DOCK9: variants seen among roughly 807,000 people sequenced by gnomAD.
DOCK9 encodes the protein dedicator of cytokinesis protein 9.
A neutral mutation model predicts 263.3 loss-of-function variants in DOCK9; 89 were observed. The ratio of observed to expected loss-of-function variants is 0.34; its 90% CI spans 0.28 to 0.40. The LOEUF is 0.40. DOCK9 is among the 10% of genes least tolerant of loss of function. The pLI, the probability that DOCK9 is intolerant of heterozygous loss-of-function variation, is 1.00. For missense variants in DOCK9, 2,140 were observed against 2,603.4 expected (o/e 0.82, Z 3.87); for synonymous variants, 976 against 973.1 (o/e 1.00, Z -0.06).
intron 3 of DOCK9, among the ~76,000 whole-genome samples, chr13:98,928,021 A>C (rs962149347): frequency 4.0e-5 from 1 of 25,246 alleles, no homozygotes; most frequent in Non-Finnish European, 1.3e-4. Context: ...AAAAAAAAAC[A>C]AAAAAAAACT....
chr13:98,967,014 G>A (rs140893206), intron 1 of DOCK9, among the ~76,000 whole-genome samples: 6 of 152,338 alleles, frequency 3.9e-5, no homozygotes, highest in East Asian at 3.9e-4. Flanking sequence ...CCCTTCAGAC[G>A]ATTCTGGTGC....
chr13:98,947,500 T>C (rs1310365679), intron 2 of DOCK9, among the ~76,000 whole-genome samples: 1 of 138,760 alleles, frequency 7.2e-6, no homozygotes, highest in Non-Finnish European at 1.5e-5. Flanking sequence ...GATGTGTCTA[T>C]TCAGAATTTT....
At chr13:98,979,789 T>C (rs768733661), upstream of DOCK9, among the ~76,000 whole-genome samples, 4 of 152,056 alleles carry the variant, frequency 2.6e-5, no homozygotes, top group Non-Finnish European at 5.9e-5. Flanking sequence ...CACTTACCTA[T>C]AGAGTCGAAA....
intron 13 of DOCK9, among the ~76,000 whole-genome samples, chr13:98,899,447 C>G (rs1185587294): frequency 6.6e-6 from 1 of 152,160 alleles, no homozygotes; most frequent in Non-Finnish European, 1.5e-5. Flanking sequence ...ATAATCCTAC[C>G]ATAATCATGC....
intron 1 of DOCK9, among the ~76,000 whole-genome samples, chr13:99,014,079 G>A (rs1459655716): frequency 6.6e-6 from 1 of 152,160 alleles, no homozygotes; most frequent in Non-Finnish European, 1.5e-5. Context: ...AGAGCCCCTG[G>A]CAGGTTACTC....
chr13:98,970,885 G>T (rs920558274), intron 1 of DOCK9, among the ~76,000 whole-genome samples: 4 of 152,056 alleles, frequency 2.6e-5, no homozygotes, highest in Non-Finnish European at 4.4e-5. Flanking sequence ...CCAAATTTTT[G>T]ATTCATTTCC....
At chr13:98,986,766 G>A (rs547066333) in intron 1 of DOCK9, among the ~76,000 whole-genome samples, 2 of 152,238 alleles carry the variant, frequency 1.3e-5, no homozygotes, top group East Asian at 1.9e-4. Context: ...GGGCTCACAC[G>A]TTGTTATTCC....
intron 1 of DOCK9, among the ~76,000 whole-genome samples, chr13:99,014,025 T>C (rs182385643): frequency 3.5e-4 from 53 of 152,316 alleles, no homozygotes; most frequent in Non-Finnish European, 7.1e-4. Flanking sequence ...GCCGACAGGA[T>C]GCATGACAGC....
intron 34 of DOCK9, among the ~76,000 whole-genome samples, chr13:98,854,222 T>TG (rs1161877687): frequency 9.2e-6 from 1 of 108,886 alleles, no homozygotes; most frequent in Non-Finnish European, 2.2e-5. Flanking sequence ...CAGGTTCTTG[T>TG]GGAAAAAAAG....
At chr13:98,851,147 C>T (rs9582267) in intron 35 of DOCK9, among the ~76,000 whole-genome samples, 7,945 of 152,250 alleles carry the variant, frequency 0.052, 538 homozygotes, top group African/African-American at 0.14. Flanking sequence ...CCATCTAATC[C>T]TCACCATAAT....
intron 1 of DOCK9, among the ~76,000 whole-genome samples, chr13:99,055,490 C>G (rs1336205626): frequency 6.6e-6 from 1 of 152,058 alleles, no homozygotes; most frequent in African/African-American, 2.4e-5. Flanking sequence ...CGAGCCGGTG[C>G]TTAACTGTGG....
intron 44 of DOCK9, 36 bp from the exon 45 acceptor site, chr13:98,824,540 G>A (rs1184865199): frequency 6.3e-7 from 1 of 1,577,960 alleles, no homozygotes; most frequent in South Asian, 1.1e-5. Context: ...TCAGAGTTAG[G>A]AACCTGAACG....
intron 1 of DOCK9, among the ~76,000 whole-genome samples, chr13:99,028,425 G>A (rs183057602): frequency 6.6e-6 from 1 of 152,088 alleles, no homozygotes; most frequent in Non-Finnish European, 1.5e-5. Flanking sequence ...AGACCTTCAG[G>A]TACAGAAACC....
chr13:99,034,107 C>T (rs1211386112), intron 1 of DOCK9, among the ~76,000 whole-genome samples: 2 of 152,074 alleles, frequency 1.3e-5, no homozygotes, highest in African/African-American at 2.4e-5. Flanking sequence ...ATCTGCTATC[C>T]CATACCTCAT....
chr13:98,863,603 A>T lies in DOCK9; in HGVS notation c.3287-55T>A, dbSNP rs2093937564. ...AGGAAAGATGCAATGCTCTTTGAAT[A>T]AAACAAACAAACAAACAAACAAAAA... On this transcript the variant is annotated intron_variant, in intron 30 of 52. Coordinates refer to ENST00000682017, the MANE Select transcript of DOCK9 (RefSeq NM_001366683.2). 3.9e-6 allele frequency: 6 copies of T among 1,523,034 alleles called. No individual in the cohort carries two copies. In the Admixed American group the frequency reaches 8.3e-5, roughly 21 times the overall value. 94.3% of individuals were successfully genotyped at this position (1,523,034 alleles called of 1,614,324 possible).
intron 15 of DOCK9, among the ~76,000 whole-genome samples, chr13:98,893,620 A>C (rs2046955732): frequency 6.6e-6 from 1 of 152,126 alleles, no homozygotes; most frequent in Non-Finnish European, 1.5e-5. Context: ...GCGTGAAGAA[A>C]TTTTTTTCAT....
At chr13:99,026,785 A>G (rs1441096542) in intron 1 of DOCK9, among the ~76,000 whole-genome samples, 3 of 152,238 alleles carry the variant, frequency 2.0e-5, no homozygotes, top group African/African-American at 7.2e-5. Flanking sequence ...TTTTATTCAT[A>G]TTTAAAAATC....
intron 1 of DOCK9, among the ~76,000 whole-genome samples, chr13:99,027,767 G>A (rs2000344): frequency 0.49 from 74,896 of 151,566 alleles, 18,722 homozygotes; most frequent in East Asian, 0.65. Context: ...AGCTCACGGA[G>A]CTGTTTTCAG....
chr13:99,026,882 G>A (rs906831315), intron 1 of DOCK9, among the ~76,000 whole-genome samples: 1 of 151,834 alleles, frequency 6.6e-6, no homozygotes, highest in South Asian at 2.1e-4. Flanking sequence ...ATTACATAAA[G>A]AGCACAGTGC....
Sources: gnomAD v4.1 joint callset for allele counts (sites outside exome capture counted in the v4.1 genomes callset) on GRCh38, gnomAD v4.1.1 for gene constraint, MANE v1.5 for transcripts, NCBI Gene and HGNC (gene_info 2026-07-23, HGNC 2026-07-21) for gene names.